Variants in POLE2 observed in about 807,000 individuals in gnomAD.
POLE2 encodes DNA polymerase epsilon 2, accessory subunit.
A neutral mutation model predicts 79.4 loss-of-function variants in POLE2; 56 were observed. The observed-to-expected ratio is 0.71, with a 90% CI of 0.57 to 0.88. POLE2 has a LOEUF of 0.88. POLE2 is among the 40% of genes least tolerant of loss of function. The pLI, the probability that POLE2 is intolerant of heterozygous loss-of-function variation, is 0.00. For missense variants in POLE2, 598 were observed against 638.9 expected (o/e 0.94, Z 0.69); for synonymous variants, 212 against 214.0 (o/e 0.99, Z 0.08).
rs143042361 is a variant in POLE2 at position 49,686,871 on chromosome 14, GCA to G, written c.68+1263_68+1264del. ...ATTTTCTCCCAAGGCATCTCCCAAA[GCA>G]CAGTTAAAAGTCCCATAAAACTCAC... On this transcript the variant is annotated intron_variant, in intron 1 of 18. Coordinates refer to ENST00000216367, the MANE Select transcript of POLE2 (RefSeq NM_002692.4). Among the ~76,000 whole-genome samples, 820 of 152,028 alleles carry G rather than the reference GCA, an allele frequency of 5.4e-3. 6 individuals carry two copies. The highest frequency in any genetic ancestry group is 0.019 in the African/African-American group (781 of 41,462).
chr14:49,643,786 C>A, intron 18 of POLE2, 116 bp from the exon 19 acceptor site: 3 of 394,776 alleles, frequency 7.6e-6, no homozygotes, highest in Non-Finnish European at 1.4e-5. Flanking sequence ...CAGGTCAATA[C>A]ATACATACTG....
chr14:49,677,271 G>T, intron 3 of POLE2: 1 of 611,006 alleles, frequency 1.6e-6, no homozygotes, highest in Non-Finnish European at 3.0e-6. Flanking sequence ...CCCAGCTGCT[G>T]CTTCCGTTCT....
At chr14:49,663,700 A>G (rs1357726680) in intron 9 of POLE2, among the ~76,000 whole-genome samples, 3 of 152,188 alleles carry the variant, frequency 2.0e-5, no homozygotes, top group African/African-American at 7.2e-5. Context: ...TTATTGAGGT[A>G]TCGTTCACAT....
At chr14:49,676,042 G>A (rs368758934) in intron 3 of POLE2, among the ~76,000 whole-genome samples, 3 of 152,090 alleles carry the variant, frequency 2.0e-5, no homozygotes, top group Non-Finnish European at 2.9e-5. Context: ...CTGAGCCACC[G>A]CGCCCTGCCA....
chr14:49,645,130 T>C (rs1481456160), intron 18 of POLE2, among the ~76,000 whole-genome samples: 1 of 151,802 alleles, frequency 6.6e-6, no homozygotes, highest in African/African-American at 2.4e-5. Context: ...AGTATACCTA[T>C]AGAATAAATT....
chr14:49,669,489 T>C (rs1165073696), intron 6 of POLE2, 35 bp downstream of exon 6: 1 of 988,162 alleles, frequency 1.0e-6, no homozygotes, highest in Admixed American at 1.8e-5. Context: ...ACTTACACAC[T>C]TATACCCCCT....
intron 3 of POLE2, among the ~76,000 whole-genome samples, chr14:49,675,582 C>T (rs1215418582): frequency 9.9e-5 from 15 of 151,946 alleles, no homozygotes; most frequent in Admixed American, 1.3e-4. Flanking sequence ...TGTGCCACCA[C>T]ACCCAGCTAA....
At chr14:49,670,903 T>G (rs1266887148) in intron 5 of POLE2, among the ~76,000 whole-genome samples, 1 of 152,224 alleles carries the variant, frequency 6.6e-6, no homozygotes, top group Non-Finnish European at 1.5e-5. Flanking sequence ...TCAGTTTTAA[T>G]CTATTTGAGT....
intron 5 of POLE2, among the ~76,000 whole-genome samples, chr14:49,669,870 A>G (rs1885750923): frequency 6.6e-6 from 1 of 152,202 alleles, no homozygotes. Flanking sequence ...ACCAAGTGTC[A>G]CCCTGAGAGC....
At chr14:49,665,947 C>T (rs1885456440) in intron 7 of POLE2, among the ~76,000 whole-genome samples, 1 of 152,176 alleles carries the variant, frequency 6.6e-6, no homozygotes, top group Admixed American at 6.5e-5. Flanking sequence ...CTGCCTCAGC[C>T]TCCTGAGTAG....
chr14:49,672,216 G>A (rs755154322), intron 5 of POLE2, among the ~76,000 whole-genome samples: 15 of 152,158 alleles, frequency 9.9e-5, no homozygotes, highest in Non-Finnish European at 1.8e-4. Flanking sequence ...TGTGAGAGAA[G>A]ATCTTACATA....
Position 49,654,147 on chromosome 14 carries a change from A to G in POLE2, c.1133+8T>C. On this transcript the variant is annotated splice_region_variant and intron_variant, in intron 14 of 18. Coordinates refer to ENST00000216367, the MANE Select transcript of POLE2 (RefSeq NM_002692.4). ...CTACACTGTTGCAAAAATCTGAACAAAACTTACCTTGGTAAGATGGAACCA... is the reference window on the plus strand; with the variant it reads ...CTACACTGTTGCAAAAATCTGAACAGAACTTACCTTGGTAAGATGGAACCA... 1 of 1,608,898 alleles carries G rather than the reference A, an allele frequency of 6.2e-7. No homozygotes were observed. Among genetic ancestry groups the G allele is most frequent in the East Asian group, 2.2e-5 (1 of 44,838 alleles).
In POLE2 at chr14:49,663,354, G is replaced by T. The variant is rs1029759847; in HGVS notation, c.716C>A (p.Ala239Asp). The T allele has an allele frequency of 6.2e-7, 1 of 1,609,820 alleles. No homozygotes were observed. Among genetic ancestry groups the T allele is most frequent in the African/African-American group, 1.3e-5 (1 of 74,936 alleles). ...WFEDQVFHVN[A>D]FGFPPTEPSS... is the part of the protein sequence containing the mutation. ...GGGCTCAGTGGGTGGAAATCCAAAGGCATTGACATGAAACACTTGATCTTC... is the reference window on the plus strand; with the variant it reads ...GGGCTCAGTGGGTGGAAATCCAAAGTCATTGACATGAAACACTTGATCTTC... Residue 239 changes from alanine (A) to aspartate (D), a missense_variant, in exon 10 of 19, where the codon GCC becomes GAC. By Grantham distance (126) the Ala-to-Asp change is moderately radical (BLOSUM62 -2). Transcript: ENST00000216367.
intron 6 of POLE2, among the ~76,000 whole-genome samples, chr14:49,668,469 A>G (rs1185714739): frequency 6.6e-6 from 1 of 152,046 alleles, no homozygotes; most frequent in African/African-American, 2.4e-5. Context: ...AAAAAAAAAA[A>G]AAGAACCTAA....
intron 3 of POLE2, chr14:49,677,410 G>C: frequency 2.1e-6 from 1 of 476,418 alleles, no homozygotes; most frequent in South Asian, 2.5e-5. Flanking sequence ...CCAAGGGTTA[G>C]GCCCACAGGG....
rs543423988 is a variant in POLE2, at chr14:49,665,919, C to T, written c.576+411G>A. Among the ~76,000 whole-genome samples, 231 of 152,260 alleles carry T rather than the reference C, an allele frequency of 1.5e-3. 4 individuals carry two copies. Among genetic ancestry groups the T allele is most frequent in the Non-Finnish European group, 2.1e-3 (144 of 68,020 alleles). The stretch of plus-strand genomic sequence containing the variant: ...TCAGCTCACTACAACCTCCACCTCC[C>T]GAGTTCAAGGAATTCTTCTGCCTCA... On this transcript the variant is annotated intron_variant, in intron 7 of 18. Transcript: ENST00000216367.
At chr14:49,661,551 T>TA (rs936804234) in intron 10 of POLE2, among the ~76,000 whole-genome samples, 7 of 151,884 alleles carry the variant, frequency 4.6e-5, no homozygotes, top group Admixed American at 1.3e-4. Flanking sequence ...ATCTTCCGTT[T>TA]AAAAAAAAAT....
At chr14:49,654,901 A>G in intron 12 of POLE2, 63 bp from the exon 13 acceptor site, 3 of 1,437,742 alleles carry the variant, frequency 2.1e-6, no homozygotes, top group Non-Finnish European at 2.8e-6. Context: ...ATATTTGATT[A>G]GATACAATCC....
At chr14:49,661,110 A>G (rs938952193) in intron 10 of POLE2, among the ~76,000 whole-genome samples, 6 of 151,962 alleles carry the variant, frequency 3.9e-5, no homozygotes, top group African/African-American at 1.4e-4. Flanking sequence ...TAATAGAGAC[A>G]GGGTTTCACC....
Sources: gnomAD v4.1 joint callset for allele counts (sites outside exome capture counted in the v4.1 genomes callset) on GRCh38, gnomAD v4.1.1 for gene constraint, MANE v1.5 for transcripts, NCBI Gene and HGNC (gene_info 2026-07-23, HGNC 2026-07-21) for gene names.